ENTPD1: variants seen among roughly 807,000 people sequenced by gnomAD.
The protein encoded by ENTPD1 is ectonucleoside triphosphate diphosphohydrolase 1.
In ENTPD1, 33 loss-of-function variants were observed where a neutral mutation model predicts 57.0. The observed-to-expected ratio is 0.58, with a 90% confidence interval of 0.44 to 0.77. ENTPD1 has a LOEUF of 0.77. Ranked by LOEUF, ENTPD1 falls within the 30% of genes least tolerant of loss-of-function variation. ENTPD1 has a pLI of 0.00. For missense variants in ENTPD1, 501 were observed against 603.4 expected, an observed-to-expected ratio of 0.83 and a Z score of 1.78; for synonymous variants, 202 against 218.8, an observed-to-expected ratio of 0.92 and a Z score of 0.68.
At chr10:95,820,796 T>C (rs905562200) in intron 1 of ENTPD1, among the ~76,000 whole-genome samples, 1 of 152,236 alleles carries the variant, frequency 6.6e-6, no homozygotes, top group Non-Finnish European at 1.5e-5. Context: ...TGTGCTTCTT[T>C]TCTGGTTTAT....
At chr10:95,768,982 T>G (rs2140076015) in intron 1 of ENTPD1, among the ~76,000 whole-genome samples, 1 of 152,354 alleles carries the variant, frequency 6.6e-6, no homozygotes, top group South Asian at 2.1e-4. Context: ...AGTCTGCCCA[T>G]GGCTCCCTTA....
chr10:95,794,116 A>G (rs928315266), intron 1 of ENTPD1, among the ~76,000 whole-genome samples: 1 of 152,210 alleles, frequency 6.6e-6, no homozygotes, highest in Non-Finnish European at 1.5e-5. Flanking sequence ...GGTTCTAGTC[A>G]ATCCTTAATT....
chr10:95,824,686 G>A (rs1254752835), intron 2 of ENTPD1, among the ~76,000 whole-genome samples: 1 of 152,202 alleles, frequency 6.6e-6, no homozygotes, highest in Non-Finnish European at 1.5e-5. Flanking sequence ...TCATTGGAGA[G>A]GGGGATGCCT....
chr10:95,845,234 G>A, intron 5 of ENTPD1, 123 bp from the exon 6 acceptor site: 8 of 1,358,374 alleles, frequency 5.9e-6, no homozygotes, highest in Non-Finnish European at 8.3e-6. Context: ...GGAGCCTCTA[G>A]TGAGCTTTGC....
intron 2 of ENTPD1, among the ~76,000 whole-genome samples, chr10:95,832,558 C>T (rs1256584718): frequency 2.6e-5 from 4 of 152,152 alleles, no homozygotes; most frequent in African/African-American, 9.7e-5. Flanking sequence ...TAGTGGTTGT[C>T]AGATATTCTT....
At chr10:95,854,023 G>T (rs1055719903) in intron 7 of ENTPD1, among the ~76,000 whole-genome samples, 4 of 152,146 alleles carry the variant, frequency 2.6e-5, no homozygotes, top group African/African-American at 7.2e-5. Flanking sequence ...GCTTCTCCTT[G>T]TATCTCTGGT....
intron 1 of ENTPD1, among the ~76,000 whole-genome samples, chr10:95,733,417 T>C (rs1186407955): frequency 6.6e-6 from 1 of 152,176 alleles, no homozygotes; most frequent in Non-Finnish European, 1.5e-5. Flanking sequence ...GACAGGATCC[T>C]GAGTGGACAT....
intron 1 of ENTPD1, among the ~76,000 whole-genome samples, chr10:95,719,805 T>C (rs946638523): frequency 1.3e-5 from 2 of 152,200 alleles, no homozygotes; most frequent in African/African-American, 4.8e-5. Flanking sequence ...CCCTGAACCC[T>C]TGGGGTAAAA....
At chr10:95,798,871 C>CGA (rs1322274393) in intron 1 of ENTPD1, among the ~76,000 whole-genome samples, 43 of 152,282 alleles carry the variant, frequency 2.8e-4, no homozygotes, top group African/African-American at 8.7e-4. Context: ...CATTGGCCTT[C>CGA]CTTCTGTGGC....
At chr10:95,792,295 C>T (rs1253701879) in intron 1 of ENTPD1, among the ~76,000 whole-genome samples, 1 of 152,146 alleles carries the variant, frequency 6.6e-6, no homozygotes, top group African/African-American at 2.4e-5. Context: ...GACAAAATTA[C>T]AACAAATTTA....
intron 2 of ENTPD1, among the ~76,000 whole-genome samples, chr10:95,830,931 T>C (rs1199715118): frequency 6.6e-6 from 1 of 152,220 alleles, no homozygotes; most frequent in Non-Finnish European, 1.5e-5. Flanking sequence ...CAGATTTGTG[T>C]TCCCAAGATT....
intron 1 of ENTPD1, among the ~76,000 whole-genome samples, chr10:95,750,175 G>T (rs2098010235): frequency 6.6e-6 from 1 of 152,184 alleles, no homozygotes; most frequent in Non-Finnish European, 1.5e-5. Flanking sequence ...AACACGAGTG[G>T]CATCTCTTTT....
At chr10:95,818,061 C>T (rs567917204) in intron 1 of ENTPD1, among the ~76,000 whole-genome samples, 1 of 152,268 alleles carries the variant, frequency 6.6e-6, no homozygotes, top group South Asian at 2.1e-4. Context: ...ACTGACATAA[C>T]TGAGCTTTGT....
intron 2 of ENTPD1, among the ~76,000 whole-genome samples, chr10:95,831,587 C>G (rs978497553): frequency 6.6e-6 from 1 of 152,248 alleles, no homozygotes; most frequent in Non-Finnish European, 1.5e-5. Flanking sequence ...GCCTTAGTGA[C>G]AAATTGACAG....
chr10:95,699,872 GA>G, the ENTPD1 span, among the ~76,000 whole-genome samples: 1 of 152,320 alleles, frequency 6.6e-6, no homozygotes, highest in East Asian at 1.9e-4. Context: ...AATATCCATG[GA>G]AAGGGACTGC....
intron 1 of ENTPD1, among the ~76,000 whole-genome samples, chr10:95,772,247 C>A (rs538602110): frequency 6.6e-6 from 1 of 152,254 alleles, no homozygotes; most frequent in Non-Finnish European, 1.5e-5. Flanking sequence ...TAAAAGAAGA[C>A]AACAATGATG....
At chr10:95,749,294 A>G (rs879321866) in intron 1 of ENTPD1, among the ~76,000 whole-genome samples, 8 of 152,248 alleles carry the variant, frequency 5.3e-5, no homozygotes, top group Non-Finnish European at 1.2e-4. Flanking sequence ...AAAGGTGAAC[A>G]GTGATTTCTT....
Position 95,866,753 on chromosome 10 carries a change from G to C in ENTPD1, c.*370G>C. The C allele has an allele frequency of 8.8e-7, 1 of 1,130,508 alleles. No individual in the cohort carries two copies. Among genetic ancestry groups the C allele is most frequent in the Non-Finnish European group, 1.1e-6 (1 of 914,934 alleles). The allele number at this position is 1,130,508 out of a possible 1,614,324, so 70.0% of individuals were successfully genotyped here. ...CCTGTGATAGGAGGCTGAGCTGGCT[G>C]AAAGAAGAATCTCAGGAACTGGTTC... is the stretch of plus-strand genomic sequence containing the variant. On this transcript the variant is annotated 3_prime_UTR_variant, in exon 10 of 10. Coordinates refer to ENST00000371205, the MANE Select transcript of ENTPD1 (RefSeq NM_001776.6).
At chr10:95,715,178 T>C (rs564552514) in intron 1 of ENTPD1, among the ~76,000 whole-genome samples, 9 of 152,354 alleles carry the variant, frequency 5.9e-5, no homozygotes, top group African/African-American at 2.2e-4. Context: ...TTCAGATAAC[T>C]GAGTCATACC....
Sources: allele counts gnomAD v4.1 joint callset (sites outside exome capture counted in the v4.1 genomes callset), GRCh38; gene constraint gnomAD v4.1.1; transcripts MANE v1.5; gene names NCBI Gene and HGNC (gene_info 2026-07-23, HGNC 2026-07-21).